The following PCDHA6 variants were observed in gnomAD, a reference collection of about 807,000 sequenced individuals.
The protein encoded by PCDHA6 is protocadherin alpha 6.
A neutral mutation model predicts 60.3 loss-of-function variants in PCDHA6; 55 were observed. That is an observed-to-expected ratio of 0.91 (90% CI 0.73 to 1.14). The LOEUF (loss-of-function observed/expected upper bound fraction) is 1.14. PCDHA6 is among the 50% of genes most tolerant of loss of function. The pLI is 0.00. For missense variants in PCDHA6, 1,327 were observed against 1,256.5 expected, an observed-to-expected ratio of 1.06 and a Z score of -0.85; for synonymous variants, 652 against 557.9, an observed-to-expected ratio of 1.17 and a Z score of -2.38.
intron 3 of PCDHA6, among the ~76,000 whole-genome samples, chr5:141,000,397 A>C (rs590627): frequency 0.074 from 4,330 of 58,694 alleles, 135 homozygotes; most frequent in Non-Finnish European, 0.096. Flanking sequence ...CTCTCTCTCT[A>C]TATATATATA....
At chr5:140,927,889 G>T (rs1554205185) in intron 1 of PCDHA6, 1 of 1,614,226 alleles carries the variant, frequency 6.2e-7, no homozygotes, top group Non-Finnish European at 8.5e-7. Context: ...GGTGACTGAC[G>T]TGAACGATCA....
At chr5:140,990,155 G>GT (rs1274867030) in intron 3 of PCDHA6, among the ~76,000 whole-genome samples, 4 of 152,076 alleles carry the variant, frequency 2.6e-5, no homozygotes, top group African/African-American at 9.7e-5. Context: ...ATAATAGAAA[G>GT]TTAGGGTATG....
intron 1 of PCDHA6, among the ~76,000 whole-genome samples, chr5:140,912,343 A>ATT (rs35252606): frequency 2.1e-4 from 30 of 143,908 alleles, no homozygotes; most frequent in African/African-American, 6.1e-4. Context: ...TACACTAAGT[A>ATT]TTTTTTTTTT....
chr5:140,857,036 G>T (rs1174179572), intron 1 of PCDHA6: 1 of 1,596,046 alleles, frequency 6.3e-7, no homozygotes, highest in Non-Finnish European at 8.6e-7. Context: ...CCCACCTATG[G>T]TTGGTCACTG....
Position 140,863,430 on chromosome 5 carries a change from A to G in PCDHA6, c.2394+32945A>G, listed in dbSNP as rs782084592. ...CGCTGGTGTACCGCAGCGTAGTGGG[A>G]TCTGGTCTTACTCGCAGCAAAGGAG... On this transcript the variant is annotated intron_variant, in intron 1 of 3. Coordinates refer to ENST00000529310, the MANE Select transcript of PCDHA6 (RefSeq NM_018909.4). The G allele has an allele frequency of 4.5e-5, 29 of 647,180 alleles. 1 individual carries two copies. In the Admixed American group the frequency reaches 5.6e-4, roughly 13 times the overall value. The allele number at this position is 647,180 out of a possible 1,614,324, so 40.1% of individuals were successfully genotyped here. A position where few individuals can be genotyped will look rare whatever the true frequency, so the allele number is the denominator to read the frequency against.
rs1282110712 is a variant in PCDHA6, at chr5:140,926,177, A to G, written c.2395-52772A>G. Among the ~76,000 whole-genome samples the G allele has an allele frequency of 2.0e-5, 3 of 151,672 alleles. No individual in the cohort carries two copies. The South Asian group carries it at 6.6e-4, about 34-fold the overall frequency. On this transcript the variant is annotated intron_variant, in intron 1 of 3. Coordinates refer to ENST00000529310, the MANE Select transcript of PCDHA6 (RefSeq NM_018909.4). ...CTCTGCAGCAGGATCCAGCGCGGAA[A>G]GCCCCCCGCAGCACTTCTTTCGGGG...
chr5:140,847,939 G>A (rs2150405310), intron 1 of PCDHA6: 7 of 151,270 alleles, frequency 4.6e-5, no homozygotes, highest in African/African-American at 1.7e-4. Flanking sequence ...TGCAACTCCT[G>A]GATTTCTCTT....
intron 1 of PCDHA6, among the ~76,000 whole-genome samples, chr5:140,921,194 A>T (rs187774850): frequency 1.3e-5 from 2 of 152,046 alleles, no homozygotes; most frequent in Admixed American, 1.3e-4. Context: ...TTCACAATAG[A>T]TTGACAACGA....
At chr5:140,983,392 C>T (rs1190599444) in intron 3 of PCDHA6, among the ~76,000 whole-genome samples, 2 of 152,150 alleles carry the variant, frequency 1.3e-5, no homozygotes, top group African/African-American at 2.4e-5. Context: ...TGGCAGTTTT[C>T]AGAAAGGGAA....
At chr5:140,907,534 T>G (rs2073435289) in intron 1 of PCDHA6, among the ~76,000 whole-genome samples, 1 of 152,204 alleles carries the variant, frequency 6.6e-6, no homozygotes, top group African/African-American at 2.4e-5. Flanking sequence ...CGCTGCCCTT[T>G]CTATGATGGA....
At chr5:140,832,820 T>C (rs1554133674) in intron 1 of PCDHA6, among the ~76,000 whole-genome samples, 1 of 152,208 alleles carries the variant, frequency 6.6e-6, no homozygotes, top group East Asian at 1.9e-4. Context: ...AAAAAAATCT[T>C]TGCCTTTTTC....
At chr5:140,964,222 A>G (rs2095818106) in intron 1 of PCDHA6, among the ~76,000 whole-genome samples, 1 of 152,254 alleles carries the variant, frequency 6.6e-6, no homozygotes, top group African/African-American at 2.4e-5. Flanking sequence ...AATGTCTTTC[A>G]AAATGAGGCT....
In PCDHA6 at chr5:140,982,560, C is replaced by G. The variant is rs782437404; in HGVS notation, c.2539C>G (p.Pro847Ala). The G allele has an allele frequency of 5.6e-6, 9 of 1,614,098 alleles. No homozygotes were observed. Among genetic ancestry groups the G allele is most frequent in the South Asian group, 4.4e-5 (4 of 91,078 alleles). ...QQWPTVSSAT[P>A]EPEAGEVSPP... ...GTGGCCAACAGTATCCAGTGCAACA[C>G]CAGGTAAAGAGCTGGGGTCTCTCCA... Residue 847 changes from proline to alanine, a missense_variant, in exon 3 of 4, where the codon CCA (proline) becomes GCA (alanine). Physicochemically the swap from Pro to Ala is conservative, Grantham distance 27. Coordinates refer to ENST00000529310, the MANE Select transcript of PCDHA6 (RefSeq NM_018909.4).
intron 1 of PCDHA6, chr5:140,857,579 G>A (rs782552455): frequency 3.1e-6 from 5 of 1,596,586 alleles, no homozygotes; most frequent in East Asian, 2.2e-5. Flanking sequence ...GTCGGTGCAC[G>A]CGGAGAGCGG....
chr5:140,969,310 T>C, intron 1 of PCDHA6: 2 of 1,614,198 alleles, frequency 1.2e-6, no homozygotes, highest in East Asian at 2.2e-5. Context: ...TTCTCAAAAA[T>C]GAGGCTGTTT....
At chr5:140,876,760 G>A (rs2056562687) in intron 1 of PCDHA6, 4 of 1,614,234 alleles carry the variant, frequency 2.5e-6, no homozygotes, top group South Asian at 2.2e-5. Flanking sequence ...TGCGCGGGAT[G>A]GGGGCTCGCC....
At chr5:140,983,865 GC>G (rs2097073239) in intron 3 of PCDHA6, among the ~76,000 whole-genome samples, 1 of 152,120 alleles carries the variant, frequency 6.6e-6, no homozygotes, top group Admixed American at 6.5e-5. Context: ...GCAGCTAAGG[GC>G]CCATTTTTAC....
chr5:140,908,208 C>A (rs1477430085), intron 1 of PCDHA6, among the ~76,000 whole-genome samples: 8 of 152,136 alleles, frequency 5.3e-5, no homozygotes, highest in Non-Finnish European at 1.0e-4. Context: ...TCATGCAGAA[C>A]CATCTGTGAA....
rs2150346184 is a variant in PCDHA6, at chr5:140,842,847, C to T, written c.2394+12362C>T. 8 of 1,593,796 alleles carry T rather than the reference C, an allele frequency of 5.0e-6. 1 individual carries two copies. Among genetic ancestry groups the T allele is most frequent in the Non-Finnish European group, 1.7e-6 (2 of 1,165,370 alleles). On this transcript the variant is annotated intron_variant, in intron 1 of 3. Coordinates refer to ENST00000529310, the MANE Select transcript of PCDHA6 (RefSeq NM_018909.4). ...GAGCGCTCGCTGTCGAGCTACATTT[C>T]GGTGCACACGGAGAGCGGCAAGGTG...
Sources: allele counts gnomAD v4.1 joint callset (sites outside exome capture counted in the v4.1 genomes callset), GRCh38; gene constraint gnomAD v4.1.1; transcripts MANE v1.5; gene names NCBI Gene and HGNC (gene_info 2026-07-23, HGNC 2026-07-21).